Variants in SUGCT observed in about 807,000 individuals in gnomAD.
SUGCT encodes the protein succinyl-CoA:glutarate-CoA transferase.
SUGCT carries 41 observed loss-of-function variants against 55.0 expected under a neutral mutation model. That is an observed-to-expected ratio of 0.74 (90% CI 0.58 to 0.97). The LOEUF is 0.97. Ranked by LOEUF, SUGCT falls within the 50% of genes least tolerant of loss-of-function variation. The pLI, the probability that SUGCT is intolerant of heterozygous loss-of-function variation, is 0.00. For synonymous variants in SUGCT, 187 were observed against 200.4 expected, an observed-to-expected ratio of 0.93 and a Z score of 0.56; for missense variants, 568 against 547.8, an observed-to-expected ratio of 1.04 and a Z score of -0.37.
At chr7:40,465,903 A>T (rs1790080534) in intron 11 of SUGCT, among the ~76,000 whole-genome samples, 1 of 151,914 alleles carries the variant, frequency 6.6e-6, no homozygotes, top group Non-Finnish European at 1.5e-5. Context: ...TTTTTTTGAG[A>T]CAAGGTCTCA....
chr7:40,465,532 C>T (rs376087929), intron 11 of SUGCT, among the ~76,000 whole-genome samples: 1 of 152,078 alleles, frequency 6.6e-6, no homozygotes, highest in African/African-American at 2.4e-5. Flanking sequence ...ATTGCTTGAA[C>T]CCGGGAGGCG....
intron 3 of SUGCT, among the ~76,000 whole-genome samples, chr7:40,183,236 G>A (rs1785319147): frequency 6.6e-6 from 1 of 152,220 alleles, no homozygotes; most frequent in South Asian, 2.1e-4. Flanking sequence ...TCGTGCCACT[G>A]CACTCCAGCC....
At chr7:40,863,795 C>A (rs1584556078), downstream of SUGCT, among the ~76,000 whole-genome samples, 1 of 151,988 alleles carries the variant, frequency 6.6e-6, no homozygotes, top group Non-Finnish European at 1.5e-5. Flanking sequence ...TGAAAAAAAA[C>A]AGTTGCTTAT....
intron 13 of SUGCT, among the ~76,000 whole-genome samples, chr7:40,836,515 C>T (rs12538933): frequency 0.25 from 37,831 of 151,940 alleles, 5,715 homozygotes; most frequent in East Asian, 0.8. Flanking sequence ...TTATCATACA[C>T]GTAGATCCTT....
chr7:40,925,848 A>G, the SUGCT span, among the ~76,000 whole-genome samples: 431 of 152,166 alleles, frequency 2.8e-3, 3 homozygotes, highest in African/African-American at 7.7e-3. Flanking sequence ...AATTCCAACA[A>G]TTTGGGAGGC....
At chr7:41,025,311 A>G in the SUGCT span, among the ~76,000 whole-genome samples, 65 of 152,302 alleles carry the variant, frequency 4.3e-4, no homozygotes, top group Non-Finnish European at 7.6e-4. Flanking sequence ...GGATGTCTGT[A>G]TATTATTTTC....
chr7:40,399,019 A>G (rs1214665030), intron 9 of SUGCT, among the ~76,000 whole-genome samples: 5 of 152,164 alleles, frequency 3.3e-5, no homozygotes, highest in Non-Finnish European at 7.3e-5. Context: ...TTGCTGTTTC[A>G]CTGCCACTGC....
At chr7:40,291,008 A>G (rs113583573) in intron 8 of SUGCT, among the ~76,000 whole-genome samples, 151,405 of 152,240 alleles carry the variant, frequency 0.99, 75,289 homozygotes, top group East Asian at 1. Context: ...GGAAACAACA[A>G]GTGCTGGAGA....
chr7:40,679,670 G>C (rs1473675641), intron 12 of SUGCT, among the ~76,000 whole-genome samples: 1 of 152,126 alleles, frequency 6.6e-6, no homozygotes, highest in East Asian at 1.9e-4. Context: ...ATAAAATAGT[G>C]ATATTCCATT....
intron 1 of SUGCT, chr7:40,141,778 CA>C (rs1317352646): frequency 6.0e-6 from 2 of 331,472 alleles, no homozygotes; most frequent in African/African-American, 2.2e-5. Flanking sequence ...TTTGGTGCCA[CA>C]AAAGAAATAG....
intron 12 of SUGCT, among the ~76,000 whole-genome samples, chr7:40,673,972 A>C (rs1802068122): frequency 6.6e-6 from 1 of 152,214 alleles, no homozygotes; most frequent in African/African-American, 2.4e-5. Flanking sequence ...CTTAATAACA[A>C]ACAGGCACTA....
At chr7:40,938,570 G>A in the SUGCT span, among the ~76,000 whole-genome samples, 1 of 151,720 alleles carries the variant, frequency 6.6e-6, no homozygotes. Flanking sequence ...TTGTTTAATG[G>A]TGAAGTCTGA....
intron 11 of SUGCT, among the ~76,000 whole-genome samples, chr7:40,465,484 C>T (rs1790052805): frequency 6.6e-6 from 1 of 152,018 alleles, no homozygotes; most frequent in Non-Finnish European, 1.5e-5. Context: ...GTGGCACACG[C>T]CTGTAATCCC....
chr7:40,797,010 A>G (rs973675653), intron 13 of SUGCT, among the ~76,000 whole-genome samples: 1 of 152,180 alleles, frequency 6.6e-6, no homozygotes, highest in Non-Finnish European at 1.5e-5. Context: ...GGATATGAAC[A>G]AAGTATAAAG....
intron 9 of SUGCT, among the ~76,000 whole-genome samples, chr7:40,384,343 A>G (rs189594551): frequency 6.6e-6 from 1 of 152,278 alleles, no homozygotes; most frequent in East Asian, 1.9e-4. Flanking sequence ...TGTGAGACAA[A>G]TCATGCCCAG....
At chr7:41,034,982 C>A in the SUGCT span, among the ~76,000 whole-genome samples, 15 of 152,290 alleles carry the variant, frequency 9.8e-5, no homozygotes, top group African/African-American at 3.4e-4. Context: ...TATTTCTCTG[C>A]CCCACAGGCT....
intron 11 of SUGCT, among the ~76,000 whole-genome samples, chr7:40,473,934 T>C (rs1213275726): frequency 6.6e-6 from 1 of 152,098 alleles, no homozygotes; most frequent in Non-Finnish European, 1.5e-5. Flanking sequence ...TTCTGTCTCA[T>C]ATTTCTCCCC....
At chr7:41,009,692 T>C in the SUGCT span, among the ~76,000 whole-genome samples, 5 of 151,082 alleles carry the variant, frequency 3.3e-5, no homozygotes, top group Non-Finnish European at 3.0e-5. Context: ...TTCCATCCAC[T>C]ATCCATCCTT....
chr7:40,624,267 C>T (rs1336603300), intron 12 of SUGCT, among the ~76,000 whole-genome samples: 2 of 152,100 alleles, frequency 1.3e-5, no homozygotes, highest in African/African-American at 2.4e-5. Context: ...CCACCAGGAC[C>T]TTTTTTAGGT....
Sources: allele counts gnomAD v4.1 joint callset (sites outside exome capture counted in the v4.1 genomes callset), GRCh38; gene constraint gnomAD v4.1.1; transcripts MANE v1.5; gene names NCBI Gene and HGNC (gene_info 2026-07-23, HGNC 2026-07-21).